The following RALGAPB variants were observed in gnomAD, a reference collection of about 807,000 sequenced individuals.
The protein encoded by RALGAPB is ral GTPase-activating protein subunit beta.
Under a neutral mutation model 161.1 loss-of-function variants are expected in RALGAPB, and 25 were observed. The observed-to-expected ratio is 0.16, with a 90% CI of 0.11 to 0.22. The LOEUF (loss-of-function observed/expected upper bound fraction) is 0.22, where lower values mean the gene tolerates loss of function less well. Ranked by LOEUF, RALGAPB falls within the 10% of genes least tolerant of loss-of-function variation. RALGAPB has a pLI of 1.00. For missense variants in RALGAPB, 1,391 were observed against 1,815.2 expected, an observed-to-expected ratio of 0.77 and a Z score of 4.25; for synonymous variants, 629 against 626.1, an observed-to-expected ratio of 1.00 and a Z score of -0.07.
chr20:38,517,981 CAG>C lies in RALGAPB; in HGVS notation c.1402_1403del (p.Asp468GlnfsTer11). 1 of 1,607,496 alleles carries C rather than the reference CAG, an allele frequency of 6.2e-7. No homozygotes were observed. The highest frequency in any genetic ancestry group is 8.5e-7 in the Non-Finnish European group (1 of 1,173,912). On this transcript the variant is annotated frameshift_variant, in exon 9 of 30. Coordinates refer to ENST00000262879, the MANE Select transcript of RALGAPB (RefSeq NM_020336.4). LOFTEE classifies it high-confidence loss of function. ...VHCKLHNGIN[R>X]DSSMTAITTQ... is the part of the protein sequence containing the mutation. ...ACTGTAAACTTCATAATGGGATAAA[CAG>C]AGACAGCAGCATGACTGGTAAATAT...
chr20:38,554,209 A>G, intron 22 of RALGAPB, 133 bp downstream of exon 22: 1 of 818,888 alleles, frequency 1.2e-6, no homozygotes, highest in South Asian at 1.8e-5. Context: ...GCCTGCATAC[A>G]AATAAATGAA....
rs560778242 is a variant in RALGAPB, at chr20:38,521,396, T to C, written c.1418-101T>C. On this transcript the variant is annotated intron_variant, in intron 9 of 29. Transcript: ENST00000262879. ...AACAAAAGCACTTATTGGATTCAAG[T>C]AGCTATTTAATGACACCAATATTTG... is the stretch of plus-strand genomic sequence containing the variant. 2.8e-5 allele frequency: 43 copies of C among 1,521,142 alleles called. No individual in the cohort carries two copies. In the East Asian group the frequency reaches 9.2e-4, roughly 33 times the overall value. 94.2% of individuals were successfully genotyped at this position (1,521,142 alleles called of 1,614,324 possible).
intron 5 of RALGAPB, among the ~76,000 whole-genome samples, chr20:38,507,668 G>A (rs1383120528): frequency 6.6e-6 from 1 of 151,924 alleles, no homozygotes; most frequent in Non-Finnish European, 1.5e-5. Flanking sequence ...GCAGGCGTGA[G>A]CCACTATGCC....
intron 5 of RALGAPB, among the ~76,000 whole-genome samples, chr20:38,506,643 G>A (rs2085771295): frequency 6.6e-6 from 1 of 152,090 alleles, no homozygotes; most frequent in South Asian, 2.1e-4. Context: ...AAGAAACTGG[G>A]TTGTCTTACA....
chr20:38,517,148 C>G (rs1191003757), intron 7 of RALGAPB, among the ~76,000 whole-genome samples: 1 of 152,184 alleles, frequency 6.6e-6, no homozygotes, highest in Admixed American at 6.5e-5. Context: ...GAGTGAGTTC[C>G]AAACATCCTG....
intron 6 of RALGAPB, among the ~76,000 whole-genome samples, chr20:38,514,339 C>T (rs1385392502): frequency 6.6e-6 from 1 of 152,224 alleles, no homozygotes; most frequent in Non-Finnish European, 1.5e-5. Context: ...CTCTTGATAA[C>T]TGCCCAGTGG....
In RALGAPB at chr20:38,516,130, G is replaced by T. The variant is rs1038770808; in HGVS notation, c.873-62G>T. The T allele has an allele frequency of 6.3e-6, 8 of 1,261,684 alleles. No homozygotes were observed. In the Middle Eastern group the frequency reaches 5.8e-4, roughly 92 times the overall value. The allele number at this position is 1,261,684 out of a possible 1,614,324, so 78.2% of individuals were successfully genotyped here. A position where few individuals can be genotyped will look rare whatever the true frequency, so the allele number is the denominator to read the frequency against. On this transcript the variant is annotated intron_variant, in intron 6 of 29. Coordinates refer to ENST00000262879, the MANE Select transcript of RALGAPB (RefSeq NM_020336.4). The stretch of plus-strand genomic sequence containing the variant: ...CAGTCCTATTCTTAAATTAGATTAC[G>T]TGTATTTTATTGCTATAGAAATTTC...
At chr20:38,561,843 T>C (rs2087796456) in intron 23 of RALGAPB, among the ~76,000 whole-genome samples, 2 of 152,172 alleles carry the variant, frequency 1.3e-5, no homozygotes, top group Admixed American at 6.5e-5. Context: ...TCACCAGTTA[T>C]GACAACCAAA....
At chr20:38,544,161 C>A (rs927421926) in intron 18 of RALGAPB, among the ~76,000 whole-genome samples, 1 of 152,122 alleles carries the variant, frequency 6.6e-6, no homozygotes, top group African/African-American at 2.4e-5. Context: ...TTTCTAACCC[C>A]CAAGGTTGCC....
Position 38,493,031 on chromosome 20 carries a change from T to C in RALGAPB, c.288T>C (p.Ala96=), listed in dbSNP as rs1245143538. 1 of 1,611,508 alleles carries C rather than the reference T, an allele frequency of 6.2e-7. No homozygotes were observed. Among genetic ancestry groups the C allele is most frequent in the African/African-American group, 1.3e-5 (1 of 75,002 alleles). The change falls in exon 3 of 30, where the codon GCT becomes GCC. Residue 96 remains alanine, a synonymous_variant. Transcript: ENST00000262879. ...CVDVYTDWIM[A]LVLPKDSIPL... ...ATGTATATACAGACTGGATTATGGC[T>C]TTAGTGTTGCCAAAAGATTCTATTC...
intron 9 of RALGAPB, among the ~76,000 whole-genome samples, chr20:38,518,248 A>C (rs1247576357): frequency 2.0e-5 from 3 of 152,200 alleles, no homozygotes; most frequent in Non-Finnish European, 4.4e-5. Flanking sequence ...ACTTAAGGTT[A>C]GTCACATTTT....
At chr20:38,496,496 G>A (rs965011468) in intron 3 of RALGAPB, among the ~76,000 whole-genome samples, 5 of 152,016 alleles carry the variant, frequency 3.3e-5, no homozygotes, top group African/African-American at 1.2e-4. Flanking sequence ...AGATCTGGAG[G>A]CCAGCTTACC....
In RALGAPB at chr20:38,546,295, T is replaced by C. The variant is rs750804469; in HGVS notation, c.2767T>C (p.Cys923Arg). 21 of 1,614,164 alleles carry C rather than the reference T, an allele frequency of 1.3e-5. No homozygotes were observed. The South Asian group carries it at 2.3e-4, about 18-fold the overall frequency. ...FPSPSGPASP[C>R]SLVNETTLIK... ...TTCACCTAGTGGTCCTGCCTCTCCT[T>C]GTAGTCTTGTGAATGAGACCACTTT... Residue 923 changes from cysteine to arginine, a missense_variant, in exon 19 of 30, where the codon TGT (cysteine) becomes CGT (arginine). Around this residue, in one of 3 missense-constraint regions of RALGAPB, gnomAD observed 946 missense variants for 1,257.2 expected, o/e 0.75. Transcript: ENST00000262879.
At position 38,516,147 on chromosome 20, in the gene RALGAPB, A is replaced by G. The variant is rs747798220; in HGVS notation, c.873-45A>G. The G allele has an allele frequency of 3.5e-6, 5 of 1,430,142 alleles. No homozygotes were observed. In the African/African-American group the frequency reaches 5.7e-5, roughly 16 times the overall value. The allele number at this position is 1,430,142 out of a possible 1,614,324, so 88.6% of individuals were successfully genotyped here. A position where few individuals can be genotyped will look rare whatever the true frequency, so the allele number is the denominator to read the frequency against. On this transcript the variant is annotated intron_variant, in intron 6 of 29. Coordinates refer to ENST00000262879, the MANE Select transcript of RALGAPB (RefSeq NM_020336.4). ...TAGATTACGTGTATTTTATTGCTAT[A>G]GAAATTTCTAAATTTGTGATTAATT...
intron 1 of RALGAPB, among the ~76,000 whole-genome samples, chr20:38,479,398 T>TTTGAATCAA (rs1442659971): frequency 2.0e-5 from 3 of 152,362 alleles, no homozygotes; most frequent in Admixed American, 2.0e-4. Context: ...ATAAATATTG[T>TTTGAATCAA]TTGAATCAAT....
At chr20:38,546,081 C>G (rs775207651) in intron 18 of RALGAPB, among the ~76,000 whole-genome samples, 162 bp from the exon 19 acceptor site, 8 of 152,142 alleles carry the variant, frequency 5.3e-5, no homozygotes, top group Non-Finnish European at 7.4e-5. Context: ...AGAGTCTGGA[C>G]AGCATGCCAT....
rs2088470249 is a variant in RALGAPB, at chr20:38,577,224, G to A, written c.*2257G>A. ...TGCCCAAAGAGGGAGTGGGAAGAAC[G>A]CTTAGCTCTTTCACTAGTATGGATT... On this transcript the variant is annotated 3_prime_UTR_variant, in exon 30 of 30. Coordinates refer to ENST00000262879, the MANE Select transcript of RALGAPB (RefSeq NM_020336.4). 3 of 152,168 alleles carry A rather than the reference G, an allele frequency of 2.0e-5. No individual in the cohort carries two copies. The highest frequency in any genetic ancestry group is 2.4e-5 in the African/African-American group (1 of 41,430). 9.4% of individuals were successfully genotyped at this position (152,168 alleles called of 1,614,324 possible). A position where few individuals can be genotyped will look rare whatever the true frequency, so the allele number is the denominator to read the frequency against.
intron 3 of RALGAPB, among the ~76,000 whole-genome samples, chr20:38,497,067 G>C (rs2085447899): frequency 6.6e-6 from 1 of 152,198 alleles, no homozygotes; most frequent in Non-Finnish European, 1.5e-5. Flanking sequence ...TTAGGCACAT[G>C]TTAGACATAG....
rs1173170850 is a variant in RALGAPB, at chr20:38,558,351, T to C, written c.3429T>C (p.Pro1143=). 6 of 1,607,526 alleles carry C rather than the reference T, an allele frequency of 3.7e-6. No homozygotes were observed. The South Asian group carries it at 6.7e-5, about 18-fold the overall frequency. ...TTATTGCACTTGATTCCACGATACC[T>C]GGATTTTTTGATGACATTGGGTATC... ...PHLIALDSTI[P]GFFDDIGYLD... The change falls in exon 23 of 30, where the codon CCT becomes CCC. Residue 1143 remains proline (P), a synonymous_variant. Coordinates refer to ENST00000262879, the MANE Select transcript of RALGAPB (RefSeq NM_020336.4).
Sources: gnomAD v4.1 joint callset for allele counts (sites outside exome capture counted in the v4.1 genomes callset) on GRCh38, gnomAD v4.1.1 for gene constraint, gnomAD v4.1.1 regional missense constraint, MANE v1.5 for transcripts, NCBI Gene and HGNC (gene_info 2026-07-23, HGNC 2026-07-21) for gene names.